The following NXN variants were observed in gnomAD, a reference collection of about 807,000 sequenced individuals.
The protein encoded by NXN is nucleoredoxin.
Under a neutral mutation model 48.6 loss-of-function variants are expected in NXN, and 16 were observed. The ratio of observed to expected loss-of-function variants is 0.33; its 90% CI spans 0.22 to 0.50. NXN has a LOEUF of 0.50. NXN is among the 20% of genes least tolerant of loss of function. The pLI, the probability that NXN is intolerant of heterozygous loss-of-function variation, is 0.98. For synonymous variants in NXN, 281 were observed against 269.6 expected (o/e 1.04, Z -0.41); for missense variants, 492 against 605.5 (o/e 0.81, Z 1.97).
intron 1 of NXN, among the ~76,000 whole-genome samples, chr17:942,080 A>G (rs1037283282): frequency 5.4e-5 from 3 of 55,284 alleles, no homozygotes; most frequent in Admixed American, 1.6e-4. Context: ...TGAATTCACC[A>G]AACACCTTCC....
chr17:928,425 C>G (rs1012364990), intron 1 of NXN, among the ~76,000 whole-genome samples: 1 of 152,156 alleles, frequency 6.6e-6, no homozygotes, highest in Non-Finnish European at 1.5e-5. Context: ...ACCACCACAC[C>G]CCTGAAGCTT....
chr17:966,755 T>C (rs866270752), intron 1 of NXN, among the ~76,000 whole-genome samples: 155 of 141,494 alleles, frequency 1.1e-3, no homozygotes, highest in African/African-American at 3.8e-3. Context: ...CTGCCCTCTG[T>C]GCCTGGACAG....
chr17:955,313 A>G (rs764802233), intron 1 of NXN, among the ~76,000 whole-genome samples: 2 of 151,528 alleles, frequency 1.3e-5, no homozygotes, highest in Non-Finnish European at 2.9e-5. Flanking sequence ...GATTACAGGC[A>G]TGCGCCACCA....
intron 1 of NXN, among the ~76,000 whole-genome samples, chr17:900,961 C>T (rs2068532322): frequency 7.0e-6 from 1 of 142,188 alleles, no homozygotes; most frequent in Non-Finnish European, 1.5e-5. Context: ...GCTCTTTTTG[C>T]CCAGCCTAGA....
Position 917,463 on chromosome 17 carries a change from A to G in NXN, c.360+61856T>C, listed in dbSNP as rs971375399. On this transcript the variant is annotated intron_variant, in intron 1 of 7. Transcript: ENST00000336868. The surrounding 1 kb of genome is among the most constrained non-coding windows in gnomAD (Gnocchi z 4.5). ...CGCTCACATCTTTACTCATGAACCT[A>G]AACTCACAGAGCAGCCCCACACTGT... Among the ~76,000 whole-genome samples the G allele has an allele frequency of 6.6e-6, 1 of 152,190 alleles. No individual in the cohort carries two copies. The highest frequency in any genetic ancestry group is 1.5e-5 in the Non-Finnish European group (1 of 68,036).
At chr17:807,147 C>T (rs949330674) in intron 5 of NXN, among the ~76,000 whole-genome samples, 8 of 152,274 alleles carry the variant, frequency 5.3e-5, no homozygotes, top group South Asian at 2.1e-4. Flanking sequence ...GGGCTGGTCT[C>T]GAGGCTGCAG....
chr17:885,672 CTTTTTTTTT>C (rs532225883), intron 1 of NXN, among the ~76,000 whole-genome samples: 11 of 83,760 alleles, frequency 1.3e-4, no homozygotes, highest in East Asian at 3.4e-4. Context: ...GCGGTACTCG[CTTTTTTTTT>C]TTTTTTTTTT....
intron 5 of NXN, among the ~76,000 whole-genome samples, chr17:817,634 A>C (rs1212751574): frequency 6.7e-6 from 1 of 149,086 alleles, no homozygotes; most frequent in East Asian, 2.0e-4. Context: ...GCGCCACTGC[A>C]CTCCAGCCAG....
rs1350725246 is a variant in NXN at position 917,572 on chromosome 17, C to A, written c.360+61747G>T. ...CGCCCATTTTTTATCTCCACCCACT[C>A]TTTGAACTTAGCACTGGTGTCTACA... On this transcript the variant is annotated intron_variant, in intron 1 of 7. Coordinates refer to ENST00000336868, the MANE Select transcript of NXN (RefSeq NM_022463.5). The surrounding 1 kb of genome is among the most constrained non-coding windows in gnomAD (Gnocchi z 4.5). 6.6e-6 allele frequency among the ~76,000 whole-genome samples: 1 copy of A among 152,268 alleles called. No individual in the cohort carries two copies. The highest frequency in any genetic ancestry group is 1.5e-5 in the Non-Finnish European group (1 of 68,050).
At chr17:955,857 G>C (rs530553103) in intron 1 of NXN, among the ~76,000 whole-genome samples, 2 of 151,246 alleles carry the variant, frequency 1.3e-5, no homozygotes, top group Non-Finnish European at 1.5e-5. Context: ...AGCCGAGATT[G>C]TGCCACTGCA....
rs1254789434 is a variant in NXN at position 854,692 on chromosome 17, C to T, written c.361-28614G>A. 1.3e-4 allele frequency among the ~76,000 whole-genome samples: 20 copies of T among 149,206 alleles called. No individual in the cohort carries two copies. In the Admixed American group the frequency reaches 1.3e-3, roughly 10 times the overall value. ...AAAAAATTGCAGCCGGGCACGGTGGCTCACGCCTGTAATCCCAGCACTTTG... is the reference window on the plus strand; with the variant it reads ...AAAAAATTGCAGCCGGGCACGGTGGTTCACGCCTGTAATCCCAGCACTTTG... On this transcript the variant is annotated intron_variant, in intron 1 of 7. Transcript: ENST00000336868.
At chr17:831,289 G>A (rs941546789) in intron 1 of NXN, among the ~76,000 whole-genome samples, 2 of 151,556 alleles carry the variant, frequency 1.3e-5, no homozygotes, top group Admixed American at 6.6e-5. Flanking sequence ...GTGAGACCCA[G>A]TTCTCCATTA....
rs548223031 is a variant in NXN, at chr17:820,931, A to C, written c.714-1386T>G. On this transcript the variant is annotated intron_variant, in intron 4 of 7. Coordinates refer to ENST00000336868, the MANE Select transcript of NXN (RefSeq NM_022463.5). ...AGAGCGAGACTCCACCTAAAAAAAAAAAAAAAAACAAAAAAAAAAACTGAC... is the reference window on the plus strand; with the variant it reads ...AGAGCGAGACTCCACCTAAAAAAAACAAAAAAAACAAAAAAAAAAACTGAC... 5.9e-5 allele frequency among the ~76,000 whole-genome samples: 4 copies of C among 68,310 alleles called. 1 individual carries two copies. The South Asian group carries it at 1.7e-3, about 28-fold the overall frequency. 44.8% of individuals were successfully genotyped at this position (68,310 alleles called of 152,430 possible).
intron 1 of NXN, among the ~76,000 whole-genome samples, chr17:951,336 T>G (rs1597269989): frequency 6.9e-6 from 1 of 144,622 alleles, no homozygotes; most frequent in South Asian, 2.2e-4. Context: ...AGTGACAGAG[T>G]GAGACTCCAT....
intron 7 of NXN, among the ~76,000 whole-genome samples, chr17:801,414 C>T (rs188813598): frequency 8.0e-5 from 12 of 150,020 alleles, no homozygotes; most frequent in Admixed American, 2.7e-4. Flanking sequence ...CATTTTAATA[C>T]GTCCTCAGCA....
intron 1 of NXN, among the ~76,000 whole-genome samples, chr17:883,766 C>T (rs1430429673): frequency 2.0e-5 from 3 of 152,178 alleles, no homozygotes; most frequent in Non-Finnish European, 4.4e-5. Context: ...GCAGCAAAGC[C>T]GCAAGATCTA....
intron 1 of NXN, among the ~76,000 whole-genome samples, chr17:863,371 G>A (rs1337141414): frequency 2.0e-5 from 3 of 152,004 alleles, no homozygotes; most frequent in Non-Finnish European, 2.9e-5. Context: ...GTTTCACCGT[G>A]TGAGCCAGGA....
chr17:950,739 C>A (rs991987571), intron 1 of NXN, among the ~76,000 whole-genome samples: 3 of 151,990 alleles, frequency 2.0e-5, no homozygotes, highest in African/African-American at 7.3e-5. Context: ...ACCGAGTGGA[C>A]GGACGTGAGC....
rs1177446590 is a variant in NXN, at chr17:917,324, G to A, written c.360+61995C>T. Among the ~76,000 whole-genome samples the A allele has an allele frequency of 6.6e-6, 1 of 152,184 alleles. No individual in the cohort carries two copies. The highest frequency in any genetic ancestry group is 1.5e-5 in the Non-Finnish European group (1 of 68,026). ...GCCCAGCTAATTTTTTGTATTTTTA[G>A]TAGAGACGGGGTTTCACCATGTTGG... On this transcript the variant is annotated intron_variant, in intron 1 of 7. Coordinates refer to ENST00000336868, the MANE Select transcript of NXN (RefSeq NM_022463.5). The surrounding 1 kb of genome is among the most constrained non-coding windows in gnomAD (Gnocchi z 4.5).
Sources: gnomAD v4.1 joint callset for allele counts (sites outside exome capture counted in the v4.1 genomes callset) on GRCh38, gnomAD v4.1.1 for gene constraint, Gnocchi (gnomAD v3.1) non-coding constraint, MANE v1.5 for transcripts, NCBI Gene and HGNC (gene_info 2026-07-23, HGNC 2026-07-21) for gene names.